NKIRAS1: variants seen among roughly 807,000 people sequenced by gnomAD.
The protein encoded by NKIRAS1 is NF-kappa-B inhibitor-interacting Ras-like protein 1.
NKIRAS1 carries 16 observed loss-of-function variants against 19.8 expected under a neutral mutation model. The observed-to-expected ratio is 0.81, with a 90% CI of 0.55 to 1.23. The LOEUF (loss-of-function observed/expected upper bound fraction) is 1.23. Among genes scored for constraint, NKIRAS1 ranks in the 50% most tolerant of loss-of-function variants. The pLI is 0.00. For synonymous variants in NKIRAS1, 88 were observed against 79.0 expected (o/e 1.11, Z -0.61); for missense variants, 184 against 220.0 (o/e 0.84, Z 1.04).
At chr3:23,934,948 T>C (rs1018070094) in intron 1 of NKIRAS1, among the ~76,000 whole-genome samples, 6 of 152,160 alleles carry the variant, frequency 3.9e-5, no homozygotes, top group African/African-American at 1.4e-4. Context: ...CCTGAAAGAA[T>C]GGCAAAATAA....
rs755477564 is a variant in NKIRAS1, at chr3:23,893,206, A to G, written c.468T>C (p.Thr156=). Residue 156 remains threonine (T), a synonymous_variant, in exon 5 of 5, where the codon ACT becomes ACC. Transcript: ENST00000425478. ...LWEVTVTDRK[T]LIEPFTLLAS... ...CTAATAAAGTGAATGGTTCAATCAG[A>G]GTTTTCCGATCTGTAACAGTCACCT... 1.4e-5 allele frequency: 23 copies of G among 1,613,900 alleles called. No homozygotes were observed. The highest frequency in any genetic ancestry group is 1.6e-4 in the Middle Eastern group (1 of 6,084).
intron 3 of NKIRAS1, among the ~76,000 whole-genome samples, chr3:23,910,149 G>A (rs865818916): frequency 2.2e-5 from 3 of 134,596 alleles, no homozygotes; most frequent in Non-Finnish European, 3.1e-5. Context: ...GAGCCACTGC[G>A]CTCGGCCTTT....
In NKIRAS1 at chr3:23,894,914, C is replaced by T. The variant is rs117219953; in HGVS notation, c.337-1577G>A. On this transcript the variant is annotated intron_variant, in intron 4 of 4. Coordinates refer to ENST00000425478, the MANE Select transcript of NKIRAS1 (RefSeq NM_020345.4). ...TCTCGCCGTTACTCTGGTCATAATT[C>T]TTAGTGATTTCACTGGCCACGTAGA... Among the ~76,000 whole-genome samples, 77 of 152,336 alleles carry T rather than the reference C, an allele frequency of 5.1e-4. No individual in the cohort carries two copies. In the East Asian group the frequency reaches 0.013, roughly 26 times the overall value.
At chr3:23,893,852 A>T (rs1214024961) in intron 4 of NKIRAS1, among the ~76,000 whole-genome samples, 4 of 129,898 alleles carry the variant, frequency 3.1e-5, no homozygotes, top group African/African-American at 1.1e-4. Context: ...GCTAACTGTA[A>T]AAAAAAAAAA....
chr3:23,919,133 C>G (rs1575120919), upstream of NKIRAS1: 3 of 1,136,414 alleles, frequency 2.6e-6, no homozygotes, highest in East Asian at 4.7e-5. Flanking sequence ...AATTAAAATT[C>G]TTTCTGACTT....
chr3:23,893,390 C>G, intron 4 of NKIRAS1, 53 bp from the exon 5 acceptor site: 1 of 1,518,700 alleles, frequency 6.6e-7, no homozygotes, highest in Non-Finnish European at 8.9e-7. Flanking sequence ...AACATCAGTT[C>G]CTGGGCAAAA....
rs184051666 is a variant in NKIRAS1, at chr3:23,946,421, G to C, written c.-238C>G. 1,799 of 468,626 alleles carry C rather than the reference G, an allele frequency of 3.8e-3. 1 individual carries two copies. The highest frequency in any genetic ancestry group is 3.8e-3 in the Non-Finnish European group (1,372 of 357,338). 29.0% of individuals were successfully genotyped at this position (468,626 alleles called of 1,614,324 possible). A position where few individuals can be genotyped will look rare whatever the true frequency, so the allele number is the denominator to read the frequency against. ...GGGGCTTTCCCGAAGGGATACGCTC[G>C]AAGGAGCTCTGAGGTGCTTCGATCC... On this transcript the variant is annotated 5_prime_UTR_variant, in exon 1 of 5. Coordinates refer to the NKIRAS1 transcript ENST00000421515.
At chr3:23,896,176 C>T (rs1701977384) in intron 4 of NKIRAS1, among the ~76,000 whole-genome samples, 1 of 151,580 alleles carries the variant, frequency 6.6e-6, no homozygotes, top group South Asian at 2.1e-4. Flanking sequence ...TCTTCCGCCA[C>T]CACATCTAAC....
chr3:23,920,125 T>C (rs1704991517), upstream of NKIRAS1: 1 of 985,782 alleles, frequency 1.0e-6, no homozygotes, highest in Admixed American at 6.1e-5. Flanking sequence ...ATTGGTAAGC[T>C]AGCAATGAAT....
intron 3 of NKIRAS1, 55 bp from the exon 4 acceptor site, chr3:23,901,104 G>A (rs1036237211): frequency 1.9e-5 from 30 of 1,571,050 alleles, no homozygotes; most frequent in East Asian, 4.5e-5. Flanking sequence ...CAACTGCTCC[G>A]TATTTTCTTG....
In NKIRAS1 at chr3:23,922,228, G is replaced by C. The variant is rs1705114264; in HGVS notation, c.-139-10778C>G. 1 of 152,192 alleles carries C rather than the reference G, an allele frequency of 6.6e-6. No individual in the cohort carries two copies. Among genetic ancestry groups the C allele is most frequent in the Non-Finnish European group, 1.5e-5 (1 of 68,074 alleles). 9.4% of individuals were successfully genotyped at this position (152,192 alleles called of 1,614,324 possible). On this transcript the variant is annotated intron_variant, in intron 1 of 4. Transcript: ENST00000421515. This position sits in a 1 kb window ranked among gnomAD's most constrained non-coding sequence, Gnocchi z 4.2. ...CACTGCACTCCCATCTTGGGTGATA[G>C]AGCCAGAACTTGTCTCAAAAATAAC...
chr3:23,945,944 A>G (rs1575141103), intron 1 of NKIRAS1, among the ~76,000 whole-genome samples: 1 of 149,720 alleles, frequency 6.7e-6, no homozygotes, highest in African/African-American at 2.5e-5. Flanking sequence ...ATGGGCGCTG[A>G]GGCGGCGGCG....
chr3:23,920,858 GTTA>G (rs1178354583), upstream of NKIRAS1: 2 of 845,204 alleles, frequency 2.4e-6, no homozygotes, highest in Non-Finnish European at 2.8e-6. Context: ...TGGACCTTCT[GTTA>G]TTTTTTGTCA....
At chr3:23,920,084 T>C (rs1248765836), upstream of NKIRAS1, 1 of 985,776 alleles carries the variant, frequency 1.0e-6, no homozygotes, top group African/African-American at 1.7e-5. Flanking sequence ...TGTTTTGAAG[T>C]TGAATGTGCG....
At chr3:23,936,243 G>A (rs1281409808) in intron 1 of NKIRAS1, among the ~76,000 whole-genome samples, 1 of 152,118 alleles carries the variant, frequency 6.6e-6, no homozygotes, top group Non-Finnish European at 1.5e-5. Context: ...CAAGCAATGT[G>A]CTCTTTGCAT....
At chr3:23,898,172 C>T (rs778325379) in intron 4 of NKIRAS1, among the ~76,000 whole-genome samples, 47 of 151,974 alleles carry the variant, frequency 3.1e-4, no homozygotes, top group Non-Finnish European at 5.4e-4. Context: ...ATGGGAAATA[C>T]GGGGGAGAGG....
chr3:23,909,562 A>G (rs141318778), intron 3 of NKIRAS1, among the ~76,000 whole-genome samples: 3 of 152,222 alleles, frequency 2.0e-5, no homozygotes, highest in African/African-American at 4.8e-5. Context: ...TACTTGCCAG[A>G]AAAAAATGCT....
intron 4 of NKIRAS1, among the ~76,000 whole-genome samples, chr3:23,898,442 A>ATT (rs749239072): frequency 7.2e-5 from 10 of 139,676 alleles, no homozygotes; most frequent in Non-Finnish European, 9.4e-5. Flanking sequence ...ATATTGTATG[A>ATT]TTTTTTTTTT....
At chr3:23,931,689 A>C (rs1289758800) in intron 1 of NKIRAS1, among the ~76,000 whole-genome samples, 1 of 149,340 alleles carries the variant, frequency 6.7e-6, no homozygotes, top group East Asian at 1.9e-4. Flanking sequence ...AGTGGAAGGG[A>C]GGAAAAAGAA....
Sources: allele counts gnomAD v4.1 joint callset (sites outside exome capture counted in the v4.1 genomes callset), GRCh38; gene constraint gnomAD v4.1.1; non-coding constraint Gnocchi (gnomAD v3.1); transcripts MANE v1.5; gene names NCBI Gene and HGNC (gene_info 2026-07-23, HGNC 2026-07-21).